Variants in ETNK1 observed in about 807,000 individuals in gnomAD.
ETNK1 encodes the protein putative protein product of Nbla10396.
ETNK1 carries 8 observed loss-of-function variants against 45.1 expected under a neutral mutation model. That is an observed-to-expected ratio of 0.18 (90% CI 0.10 to 0.32). The LOEUF (loss-of-function observed/expected upper bound fraction) is 0.32. Among genes scored for constraint, ETNK1 ranks in the 10% least tolerant of loss-of-function variants. The pLI, the probability that ETNK1 is intolerant of heterozygous loss-of-function variation, is 1.00. For synonymous variants in ETNK1, 152 were observed against 151.9 expected, an observed-to-expected ratio of 1.00 and a Z score of -0.01; for missense variants, 302 against 430.6, an observed-to-expected ratio of 0.70 and a Z score of 2.64.
chr12:22,666,763 A>G (rs191112704), intron 4 of ETNK1, among the ~76,000 whole-genome samples: 1 of 152,324 alleles, frequency 6.6e-6, no homozygotes, highest in East Asian at 1.9e-4. Context: ...TGGGAATTAA[A>G]GAGTAAATCA....
At chr12:22,655,399 T>G (rs1409139735) in intron 2 of ETNK1, among the ~76,000 whole-genome samples, 1 of 149,568 alleles carries the variant, frequency 6.7e-6, no homozygotes, top group Non-Finnish European at 1.5e-5. Context: ...TGCAGTGGCA[T>G]GATATCAGCT....
chr12:22,660,423 G>T (rs563625292), intron 3 of ETNK1, among the ~76,000 whole-genome samples: 1 of 152,178 alleles, frequency 6.6e-6, no homozygotes, highest in Admixed American at 6.5e-5. Flanking sequence ...TATAGATGAG[G>T]ATAGGACAAA....
At chr12:22,627,289 A>G (rs1257891082) in intron 1 of ETNK1, among the ~76,000 whole-genome samples, 1 of 152,176 alleles carries the variant, frequency 6.6e-6, no homozygotes, top group Admixed American at 6.5e-5. Flanking sequence ...CTTGTTGGAA[A>G]GTAACTACGT....
At chr12:22,673,001 T>C (rs563818862) in intron 5 of ETNK1, among the ~76,000 whole-genome samples, 68 of 152,204 alleles carry the variant, frequency 4.5e-4, no homozygotes, top group African/African-American at 1.5e-3. Flanking sequence ...GCTGGTTCTA[T>C]GTATAAGGTC....
chr12:22,651,366 A>G (rs1953872261), intron 2 of ETNK1, among the ~76,000 whole-genome samples: 1 of 152,204 alleles, frequency 6.6e-6, no homozygotes, highest in African/African-American at 2.4e-5. Context: ...ACTTCCAGGT[A>G]GCCCTTTTCT....
At chr12:22,644,234 A>G in intron 2 of ETNK1, 4 of 1,606,664 alleles carry the variant, frequency 2.5e-6, no homozygotes, top group Non-Finnish European at 3.4e-6. Context: ...ACTCTTTGCA[A>G]AGGAAAAACT....
intron 1 of ETNK1, among the ~76,000 whole-genome samples, chr12:22,627,296 A>AC (rs1234227579): frequency 1.3e-5 from 2 of 152,178 alleles, no homozygotes; most frequent in Non-Finnish European, 2.9e-5. Context: ...GAAAGTAACT[A>AC]CGTGTGTTTA....
chr12:22,627,721 G>A (rs2137509121), intron 1 of ETNK1, among the ~76,000 whole-genome samples: 1 of 152,130 alleles, frequency 6.6e-6, no homozygotes, highest in African/African-American at 2.4e-5. Context: ...TGTAATTTTA[G>A]AGCAGTCGAG....
intron 7 of ETNK1, 53 bp from the exon 8 acceptor site, chr12:22,684,829 G>T: frequency 1.4e-6 from 2 of 1,406,164 alleles, no homozygotes; most frequent in South Asian, 2.5e-5. Context: ...ATAAGGGAAG[G>T]ACCAAGTTTT....
Position 22,685,536 on chromosome 12 carries a change from T to C in ETNK1, c.*582T>C, listed in dbSNP as rs1356679072. 6.6e-6 allele frequency: 1 copy of C among 151,862 alleles called. No homozygotes were observed. The highest frequency in any genetic ancestry group is 2.4e-5 in the African/African-American group (1 of 41,424). The allele number at this position is 151,862 out of a possible 1,614,324, so 9.4% of individuals were successfully genotyped here. ...ATTCACTGTCTCTGTTGGTGGTACA[T>C]CTTGTTGAATTCAATATTAGAAAGT... On this transcript the variant is annotated 3_prime_UTR_variant, in exon 8 of 8. Coordinates refer to ENST00000266517, the MANE Select transcript of ETNK1 (RefSeq NM_018638.5).
chr12:22,649,168 C>T (rs1282864900), intron 2 of ETNK1, among the ~76,000 whole-genome samples: 1 of 151,950 alleles, frequency 6.6e-6, no homozygotes, highest in East Asian at 1.9e-4. Flanking sequence ...TGTGCTTTAT[C>T]TTTTTATTCT....
chr12:22,670,726 T>C (rs1328092071), intron 4 of ETNK1, among the ~76,000 whole-genome samples: 1 of 152,232 alleles, frequency 6.6e-6, no homozygotes, highest in Admixed American at 6.5e-5. Context: ...AATGTAAGCA[T>C]ATGATAGCAA....
chr12:22,658,940 C>G, intron 2 of ETNK1, 74 bp from the exon 3 acceptor site: 2 of 1,471,796 alleles, frequency 1.4e-6, no homozygotes, highest in Admixed American at 2.0e-5. Flanking sequence ...AAAGTTTCAT[C>G]AAGAATCTTT....
chr12:22,659,588 G>C (rs1168187488), intron 3 of ETNK1, among the ~76,000 whole-genome samples: 1 of 152,092 alleles, frequency 6.6e-6, no homozygotes, highest in Non-Finnish European at 1.5e-5. Context: ...CATTCAACTA[G>C]GGAACTTAAC....
At chr12:22,673,704 T>G (rs1954133005) in intron 6 of ETNK1, 44 bp downstream of exon 6, 4 of 1,501,486 alleles carry the variant, frequency 2.7e-6, no homozygotes, top group Non-Finnish European at 3.6e-6. Flanking sequence ...CTTACTGTAA[T>G]TGAAAATGCT....
At position 22,673,414 on chromosome 12, in the gene ETNK1, A is replaced by G. The variant is rs186533164; in HGVS notation, c.785-86A>G. On this transcript the variant is annotated intron_variant, in intron 5 of 7. Transcript: ENST00000266517. Reference sequence around the variant, plus strand: ...AAAATGGAACTTTTCATTTTTTATGAAAAAATGGTGGTTTTAGGGATTATT... The same window carrying G: ...AAAATGGAACTTTTCATTTTTTATGGAAAAATGGTGGTTTTAGGGATTATT... 2.4e-5 allele frequency: 25 copies of G among 1,028,026 alleles called. No homozygotes were observed. In the East Asian group the frequency reaches 4.8e-4, roughly 20 times the overall value. 63.7% of individuals were successfully genotyped at this position (1,028,026 alleles called of 1,614,324 possible).
chr12:22,687,887 A>G lies in ETNK1; in HGVS notation c.*2933A>G, dbSNP rs1372636649. On this transcript the variant is annotated 3_prime_UTR_variant, in exon 8 of 8. Transcript: ENST00000266517. ...AAATAGCCAACAGTTGTGGCTACAC[A>G]GTGAGATCACAGGAACTGGAAATAG... 6.6e-6 allele frequency: 1 copy of G among 152,304 alleles called. No individual in the cohort carries two copies. Among genetic ancestry groups the G allele is most frequent in the African/African-American group, 2.4e-5 (1 of 41,422 alleles). The allele number at this position is 152,304 out of a possible 1,614,324, so 9.4% of individuals were successfully genotyped here.
At chr12:22,684,833 A>G (rs1954245972) in intron 7 of ETNK1, 49 bp from the exon 8 acceptor site, 2 of 1,452,298 alleles carry the variant, frequency 1.4e-6, no homozygotes, top group African/African-American at 2.8e-5. Context: ...GGGAAGGACC[A>G]AGTTTTTCAG....
chr12:22,631,735 A>G (rs1953582924), intron 1 of ETNK1, among the ~76,000 whole-genome samples: 2 of 152,180 alleles, frequency 1.3e-5, no homozygotes, highest in African/African-American at 4.8e-5. Context: ...TTAGGGAAGA[A>G]AGAAGATTAA....
Sources: allele counts gnomAD v4.1 joint callset (sites outside exome capture counted in the v4.1 genomes callset), GRCh38; gene constraint gnomAD v4.1.1; transcripts MANE v1.5; gene names NCBI Gene and HGNC (gene_info 2026-07-23, HGNC 2026-07-21).